Variants in IGSF21 observed in about 807,000 individuals in gnomAD.
IGSF21 encodes immunoglobulin superfamily member 21.
In IGSF21, 28 loss-of-function variants were observed where a neutral mutation model predicts 46.8. That is an observed-to-expected ratio of 0.60 (90% CI 0.44 to 0.82). The LOEUF is 0.82. Ranked by LOEUF, IGSF21 falls within the 40% of genes least tolerant of loss-of-function variation. The pLI is 0.00. For synonymous variants in IGSF21, 284 were observed against 273.6 expected (o/e 1.04, Z -0.38); for missense variants, 624 against 665.5 (o/e 0.94, Z 0.69).
intron 4 of IGSF21, among the ~76,000 whole-genome samples, chr1:18,344,932 G>A (rs772660290): frequency 1.6e-4 from 24 of 152,212 alleles, no homozygotes; most frequent in Non-Finnish European, 3.4e-4. Flanking sequence ...CAGGGGAAGC[G>A]AGGAGGCTGC....
intron 1 of IGSF21, among the ~76,000 whole-genome samples, chr1:18,173,315 T>A (rs2086759622): frequency 6.6e-6 from 1 of 152,082 alleles, no homozygotes; most frequent in African/African-American, 2.4e-5. Flanking sequence ...CGACAAAAAA[T>A]CAGCTTTAAT....
chr1:18,331,720 C>T (rs531452795), intron 3 of IGSF21, among the ~76,000 whole-genome samples: 34 of 152,254 alleles, frequency 2.2e-4, no homozygotes, highest in Non-Finnish European at 2.9e-5. Flanking sequence ...GGGAGATTAC[C>T]AGGGATAGAA....
Position 18,312,736 on chromosome 1 carries a change from A to T in IGSF21, c.305+20749A>T, listed in dbSNP as rs2085501439. 2.0e-5 allele frequency among the ~76,000 whole-genome samples: 3 copies of T among 152,294 alleles called. No homozygotes were observed. The East Asian group carries it at 5.8e-4, about 29-fold the overall frequency. On this transcript the variant is annotated intron_variant, in intron 3 of 9. Transcript: ENST00000251296. ...TGGGTAGTCCAGGATAATCTTCCCC[A>T]TCTCAAAATCCTTAATCACACCTGC...
At chr1:18,227,848 C>T in intron 1 of IGSF21, 50 bp from the exon 2 acceptor site, 1 of 1,373,194 alleles carries the variant, frequency 7.3e-7, no homozygotes, top group Non-Finnish European at 1.0e-6. Context: ...TCAGCCCAGC[C>T]CCTCTGATCT....
In IGSF21 at chr1:18,235,277, A is replaced by C. The variant is rs2084662474; in HGVS notation, c.183+7267A>C. Among the ~76,000 whole-genome samples the C allele has an allele frequency of 1.3e-5, 2 of 152,212 alleles. 1 individual carries two copies. The highest frequency in any genetic ancestry group is 4.1e-4 in the South Asian group (2 of 4,834). On this transcript the variant is annotated intron_variant, in intron 2 of 9. Coordinates refer to ENST00000251296, the MANE Select transcript of IGSF21 (RefSeq NM_032880.5). ...CCATGCACTCATCCAACATTAATTC[A>C]ACACATATTTATGAAACCAGGATGG...
At chr1:18,160,052 T>C (rs1055621880) in intron 1 of IGSF21, among the ~76,000 whole-genome samples, 1 of 152,192 alleles carries the variant, frequency 6.6e-6, no homozygotes, top group African/African-American at 2.4e-5. Flanking sequence ...AATCTTGACG[T>C]GGTCCAGGTC....
intron 1 of IGSF21, among the ~76,000 whole-genome samples, chr1:18,162,668 C>T (rs1388282172): frequency 6.6e-6 from 1 of 152,192 alleles, no homozygotes; most frequent in East Asian, 1.9e-4. Context: ...ATATTTTCAA[C>T]TTAAGATTGG....
intron 1 of IGSF21, among the ~76,000 whole-genome samples, chr1:18,168,088 A>G (rs759597873): frequency 9.9e-5 from 15 of 151,760 alleles, no homozygotes; most frequent in Non-Finnish European, 1.5e-4. Flanking sequence ...TTGGGAGTCC[A>G]GCAGGACCAC....
chr1:18,273,516 CT>C (rs2085071568), intron 2 of IGSF21, among the ~76,000 whole-genome samples: 2 of 52,400 alleles, frequency 3.8e-5, no homozygotes, highest in Admixed American at 2.7e-4. Flanking sequence ...TTCTTTCTTT[CT>C]TTCGTCTTTC....
chr1:18,367,413 T>G (rs2124634297), intron 6 of IGSF21, among the ~76,000 whole-genome samples: 1 of 152,134 alleles, frequency 6.6e-6, no homozygotes, highest in Middle Eastern at 3.4e-3. Flanking sequence ...GTTGGTAGAG[T>G]ACTTTGCCAA....
intron 1 of IGSF21, among the ~76,000 whole-genome samples, chr1:18,152,316 G>A (rs184343493): frequency 6.6e-5 from 10 of 152,292 alleles, no homozygotes; most frequent in South Asian, 2.1e-4. Flanking sequence ...TTTTAACTGC[G>A]TTCCACTGCA....
intron 4 of IGSF21, among the ~76,000 whole-genome samples, chr1:18,359,740 TA>T (rs1421385244): frequency 2.0e-5 from 3 of 152,174 alleles, no homozygotes. Context: ...GGTAACTGAG[TA>T]ACTAGAGCCA....
intron 6 of IGSF21, chr1:18,375,849 G>C (rs1338692597): frequency 5.4e-6 from 1 of 184,406 alleles, no homozygotes; most frequent in Non-Finnish European, 1.2e-5. Flanking sequence ...ACCTCCCAAG[G>C]GGGTAGCGTG....
At chr1:18,120,791 A>G (rs1389946046) in intron 1 of IGSF21, among the ~76,000 whole-genome samples, 1 of 152,150 alleles carries the variant, frequency 6.6e-6, no homozygotes, top group African/African-American at 2.4e-5. Flanking sequence ...GGCAGACAAC[A>G]TTGGAGGCAA....
intron 3 of IGSF21, among the ~76,000 whole-genome samples, chr1:18,316,299 G>A (rs574398356): frequency 1.4e-4 from 21 of 152,324 alleles, no homozygotes; most frequent in African/African-American, 5.1e-4. Flanking sequence ...GAGGCCAGAG[G>A]GAATGAGTTT....
At chr1:18,135,400 A>C (rs1328038366) in intron 1 of IGSF21, among the ~76,000 whole-genome samples, 1 of 141,124 alleles carries the variant, frequency 7.1e-6, no homozygotes, top group Non-Finnish European at 1.6e-5. Flanking sequence ...TCCTAATGCT[A>C]TCCCTCCCCC....
intron 1 of IGSF21, among the ~76,000 whole-genome samples, chr1:18,225,656 A>G (rs2084559380): frequency 6.6e-6 from 1 of 152,150 alleles, no homozygotes; most frequent in Admixed American, 6.5e-5. Context: ...GGTGAGAGAG[A>G]GCCCAGGGGA....
In IGSF21 at chr1:18,334,905, C is replaced by T. The variant is rs1414995390; in HGVS notation, c.319C>T (p.Arg107Trp). ...YQSTVRLPEV[R>W]ISDNGPYECH... ...TGCCTCCCCCAGGCTGCCCGAGGTC[C>T]GGATCTCAGACAATGGTCCCTATGA... Residue 107 changes from arginine to tryptophan, a missense_variant, in exon 4 of 10, where the codon CGG becomes TGG. Transcript: ENST00000251296. The surrounding 1 kb of genome is among the most constrained non-coding windows in gnomAD (Gnocchi z 4.3). 1.2e-6 allele frequency: 2 copies of T among 1,613,946 alleles called. No homozygotes were observed. Among genetic ancestry groups the T allele is most frequent in the South Asian group, 1.1e-5 (1 of 91,078 alleles).
intron 1 of IGSF21, among the ~76,000 whole-genome samples, chr1:18,172,924 CTCAATCCATAAG>C (rs1308936859): frequency 1.3e-5 from 2 of 151,322 alleles, no homozygotes; most frequent in African/African-American, 2.5e-5. Context: ...GTGTGTGTGA[CTCAATCCATAAG>C]TCATCTTACT....
Sources: allele counts gnomAD v4.1 joint callset (sites outside exome capture counted in the v4.1 genomes callset), GRCh38; gene constraint gnomAD v4.1.1; non-coding constraint Gnocchi (gnomAD v3.1); transcripts MANE v1.5; gene names NCBI Gene and HGNC (gene_info 2026-07-23, HGNC 2026-07-21).